Variants in ZFP36L1 observed in about 807,000 individuals in gnomAD.
ZFP36L1 encodes the protein ZFP36 like 1 zinc finger CCCH-type.
Under a neutral mutation model 16.7 loss-of-function variants are expected in ZFP36L1, and 4 were observed. That is an observed-to-expected ratio of 0.24 (90% confidence interval 0.12 to 0.55). The LOEUF (loss-of-function observed/expected upper bound fraction) is 0.55, where lower values mean the gene tolerates loss of function less well. ZFP36L1 is among the 20% of genes least tolerant of loss of function. ZFP36L1 has a pLI of 0.94. For missense variants in ZFP36L1, 311 were observed against 449.2 expected, an observed-to-expected ratio of 0.69 and a Z score of 2.78; for synonymous variants, 220 against 190.8, an observed-to-expected ratio of 1.15 and a Z score of -1.26.
upstream of ZFP36L1, chr14:68,793,079 C>A (rs747406018): frequency 1.3e-6 from 2 of 1,566,590 alleles, no homozygotes; most frequent in Non-Finnish European, 1.7e-6. Flanking sequence ...GGCTGGGGCG[C>A]GCAAAGCCCA....
chr14:68,791,283 A>T, intron 1 of ZFP36L1: 1 of 547,280 alleles, frequency 1.8e-6, no homozygotes, highest in South Asian at 2.4e-5. Context: ...TAAGAGCTCC[A>T]GTGTTTAATC....
chr14:68,792,183 C>T (rs539932855), intron 1 of ZFP36L1, among the ~76,000 whole-genome samples: 1 of 152,064 alleles, frequency 6.6e-6, no homozygotes, highest in South Asian at 2.1e-4. Flanking sequence ...TTGTCGCCAC[C>T]TCCCCCCCCA....
Position 68,792,737 on chromosome 14 carries a change from A to T in ZFP36L1, c.57+145T>A, listed in dbSNP as rs979987356. On this transcript the variant is annotated intron_variant, in intron 1 of 1. Transcript: ENST00000439696. The stretch of plus-strand genomic sequence containing the variant: ...GGAAGGACGGGGCCAAATTCCTTCA[A>T]ACTTGGGAGAAATGCCGGAGGAGAA... The T allele has an allele frequency of 1.3e-5, 16 of 1,236,596 alleles. No individual in the cohort carries two copies. The African/African-American group carries it at 2.2e-4, about 17-fold the overall frequency. 76.6% of individuals were successfully genotyped at this position (1,236,596 alleles called of 1,614,324 possible). A position where few individuals can be genotyped will look rare whatever the true frequency, so the allele number is the denominator to read the frequency against.
intron 1 of ZFP36L1, 22 bp downstream of exon 1, chr14:68,792,860 C>A (rs764408913): frequency 1.2e-6 from 2 of 1,613,956 alleles, no homozygotes; most frequent in Non-Finnish European, 8.5e-7. Context: ...TTTTGAAAAG[C>A]AAATGCTCCG....
intron 1 of ZFP36L1, among the ~76,000 whole-genome samples, chr14:68,792,142 C>T (rs1484504858): frequency 2.6e-5 from 4 of 152,132 alleles, no homozygotes; most frequent in Admixed American, 1.3e-4. Context: ...TAAATCCTTA[C>T]TCGCGGGACT....
At chr14:68,790,544 T>C (rs1895042522) in intron 1 of ZFP36L1, 52 bp from the exon 2 acceptor site, 1 of 1,602,314 alleles carries the variant, frequency 6.2e-7, no homozygotes, top group Non-Finnish European at 8.5e-7. Context: ...CACCAGGATG[T>C]CCACTATGGG....
rs1329399865 is a variant in ZFP36L1, at chr14:68,790,889, A to G, written c.58-397T>C. On this transcript the variant is annotated intron_variant, in intron 1 of 1. Coordinates refer to ENST00000439696, the MANE Select transcript of ZFP36L1 (RefSeq NM_004926.4). ...CCCGCCCCCGCCACCGCCCGCGACA[A>G]AAACAGGTAAACCTCAGAAAGGAGT... 3 of 557,474 alleles carry G rather than the reference A, an allele frequency of 5.4e-6. No individual in the cohort carries two copies. The African/African-American group carries it at 5.9e-5, about 11-fold the overall frequency. The allele number at this position is 557,474 out of a possible 1,614,324, so 34.5% of individuals were successfully genotyped here. A position where few individuals can be genotyped will look rare whatever the true frequency, so the allele number is the denominator to read the frequency against.
upstream of ZFP36L1, chr14:68,793,727 A>C (rs553284730): frequency 3.0e-6 from 3 of 985,488 alleles, no homozygotes; most frequent in Non-Finnish European, 3.6e-6. Flanking sequence ...TTTGGGACGC[A>C]CAGAATGTTC....
At chr14:68,792,237 G>A (rs1353156400) in intron 1 of ZFP36L1, among the ~76,000 whole-genome samples, 1 of 151,550 alleles carries the variant, frequency 6.6e-6, no homozygotes, top group African/African-American at 2.4e-5. Context: ...GGCAACACAG[G>A]TAAGCGGGTC....
chr14:68,793,865 A>G (rs1895178985), upstream of ZFP36L1: 2 of 971,966 alleles, frequency 2.1e-6, no homozygotes, highest in Non-Finnish European at 1.2e-6. Context: ...GGCACAATTT[A>G]GTGCGCCGCA....
upstream of ZFP36L1, among the ~76,000 whole-genome samples, chr14:68,795,522 C>T (rs1054943842): frequency 2.6e-5 from 4 of 152,324 alleles, no homozygotes; most frequent in African/African-American, 9.6e-5. Context: ...TCCAAGGCTG[C>T]GGGACCGGCC....
chr14:68,793,163 A>G, upstream of ZFP36L1: 1 of 1,264,506 alleles, frequency 7.9e-7, no homozygotes, highest in Non-Finnish European at 1.0e-6. Context: ...AAGAGGAGGA[A>G]AAAGAAGTTG....
At chr14:68,795,870 C>G, upstream of ZFP36L1, 1 of 621,070 alleles carries the variant, frequency 1.6e-6, no homozygotes, top group South Asian at 1.4e-5. Context: ...GACCCGGCGT[C>G]CCCGCCGCGG....
chr14:68,795,400 GA>G (rs1175632397), upstream of ZFP36L1, among the ~76,000 whole-genome samples: 1 of 151,688 alleles, frequency 6.6e-6, no homozygotes, highest in Non-Finnish European at 1.5e-5. Flanking sequence ...GGAGGGGCTG[GA>G]AAAAAGCAAA....
Position 68,789,979 on chromosome 14 carries a change from G to C in ZFP36L1, c.571C>G (p.Leu191Val). 1 of 1,606,060 alleles carries C rather than the reference G, an allele frequency of 6.2e-7. No individual in the cohort carries two copies. ...TGGAGGCGGGGACGGTCAGCGGAGAGGTCCCGGGCCCCGGCCAGGGCACGG... is the reference window on the plus strand; with the variant it reads ...TGGAGGCGGGGACGGTCAGCGGAGACGTCCCGGGCCCCGGCCAGGGCACGG... Reference protein sequence around the residue: ...ERRALAGARDLSADRPRLQHS... With the variant: ...ERRALAGARDVSADRPRLQHS... The change falls in exon 2 of 2, where the codon CTC (leucine) becomes GTC (valine). Residue 191 changes from leucine to valine, a missense_variant. By Grantham distance (32) the Leu-to-Val change is conservative (BLOSUM62 1). Transcript: ENST00000439696. The surrounding 1 kb of genome is among the most constrained non-coding windows in gnomAD (Gnocchi z 4.5).
At chr14:68,791,979 T>C (rs1176995613) in intron 1 of ZFP36L1, among the ~76,000 whole-genome samples, 1 of 152,162 alleles carries the variant, frequency 6.6e-6, no homozygotes, top group Admixed American at 6.5e-5. Flanking sequence ...AGCTTCACCC[T>C]TTCAAATTGG....
chr14:68,793,449 A>G, upstream of ZFP36L1: 1 of 994,030 alleles, frequency 1.0e-6, no homozygotes. Flanking sequence ...TGTCAGCCTC[A>G]GAGCGCGGCT....
At chr14:68,793,760 G>GT (rs142830921), upstream of ZFP36L1, 47 of 985,154 alleles carry the variant, frequency 4.8e-5, no homozygotes, top group Admixed American at 6.2e-5. Context: ...TTATGTTGCT[G>GT]TTTTTTTTCC....
chr14:68,793,280 G>C (rs1895158249), upstream of ZFP36L1: 3 of 1,051,918 alleles, frequency 2.9e-6, no homozygotes, highest in Non-Finnish European at 3.4e-6. Context: ...GAGAAAAGAA[G>C]GCGGAAAAAA....
Sources: allele counts gnomAD v4.1 joint callset (sites outside exome capture counted in the v4.1 genomes callset), GRCh38; gene constraint gnomAD v4.1.1; non-coding constraint Gnocchi (gnomAD v3.1); transcripts MANE v1.5; gene names NCBI Gene and HGNC (gene_info 2026-07-23, HGNC 2026-07-21).